Variants in CDH13 observed in about 807,000 individuals in gnomAD.
CDH13 encodes cadherin-13.
In CDH13, 24 loss-of-function variants were observed where a neutral mutation model predicts 63.8. That is an observed-to-expected ratio of 0.38 (90% CI 0.27 to 0.53). The LOEUF is 0.53. Among genes scored for constraint, CDH13 ranks in the 20% least tolerant of loss-of-function variants. The pLI is 0.85. For missense variants in CDH13, 1,049 were observed against 903.1 expected (o/e 1.16, Z -2.07); for synonymous variants, 503 against 355.3 (o/e 1.42, Z -4.67).
intron 7 of CDH13, among the ~76,000 whole-genome samples, chr16:83,602,194 T>C (rs1157240773): frequency 1.6e-5 from 2 of 123,220 alleles, no homozygotes; most frequent in Admixed American, 1.7e-4. Context: ...TTCTGTGATA[T>C]ATCAAATGTC....
intron 2 of CDH13, among the ~76,000 whole-genome samples, chr16:82,919,374 C>G (rs780609206): frequency 6.6e-6 from 1 of 152,148 alleles, no homozygotes; most frequent in African/African-American, 2.4e-5. Context: ...CCTCCACCCT[C>G]AAATAGGTCC....
intron 2 of CDH13, chr16:82,953,123 A>G (rs1256474120): frequency 6.6e-6 from 1 of 152,160 alleles, no homozygotes; most frequent in Non-Finnish European, 1.5e-5. Flanking sequence ...TGATCTTTTG[A>G]TATTATAGCA....
At chr16:83,276,019 C>T (rs900469553) in intron 5 of CDH13, among the ~76,000 whole-genome samples, 1 of 152,010 alleles carries the variant, frequency 6.6e-6, no homozygotes, top group Non-Finnish European at 1.5e-5. Flanking sequence ...AAAAAATGTA[C>T]AAGGAAAGGA....
chr16:83,783,965 A>G (rs1033018571), intron 13 of CDH13, among the ~76,000 whole-genome samples: 1 of 152,276 alleles, frequency 6.6e-6, no homozygotes, highest in Non-Finnish European at 1.5e-5. Context: ...ACTGGCTAGT[A>G]ATAATGACTA....
chr16:83,542,282 G>GT (rs1567750691), intron 7 of CDH13, among the ~76,000 whole-genome samples: 2 of 152,166 alleles, frequency 1.3e-5, no homozygotes, highest in African/African-American at 4.8e-5. Flanking sequence ...TTTTGTTTTT[G>GT]TTTTAAGGCT....
At chr16:82,840,783 A>C (rs1018093568) in intron 1 of CDH13, among the ~76,000 whole-genome samples, 1 of 151,938 alleles carries the variant, frequency 6.6e-6, no homozygotes, top group African/African-American at 2.4e-5. Flanking sequence ...TGCTTTAAGG[A>C]GATACTGGAG....
Position 83,780,440 on chromosome 16 carries a change from T to C in CDH13, c.1915+239T>C, listed in dbSNP as rs145253096. ...TCTGCTTCCTCTCTGATATTTTCTA[T>C]ACTGTACACCCTGTGTTGTATATCC... is the stretch of plus-strand genomic sequence containing the variant. On this transcript the variant is annotated intron_variant, in intron 12 of 13. Transcript: ENST00000567109. 4.9e-4 allele frequency among the ~76,000 whole-genome samples: 75 copies of C among 152,370 alleles called. 1 individual carries two copies. The East Asian group carries it at 0.014, about 28-fold the overall frequency.
chr16:83,269,231 C>T (rs1241610485), intron 5 of CDH13, among the ~76,000 whole-genome samples: 1 of 152,174 alleles, frequency 6.6e-6, no homozygotes, highest in Non-Finnish European at 1.5e-5. Context: ...GAGAACTCAC[C>T]AGATGACTGT....
chr16:83,077,981 T>A (rs1317787240), intron 3 of CDH13, among the ~76,000 whole-genome samples: 1 of 152,224 alleles, frequency 6.6e-6, no homozygotes, highest in South Asian at 2.1e-4. Flanking sequence ...CATTCTGTTC[T>A]GTTCTGTTCC....
intron 2 of CDH13, among the ~76,000 whole-genome samples, chr16:82,943,063 T>C (rs1210943543): frequency 6.6e-6 from 1 of 152,214 alleles, no homozygotes; most frequent in South Asian, 2.1e-4. Flanking sequence ...TCAATATGTG[T>C]CCAAAAAATC....
chr16:82,855,656 T>A (rs2151161085), intron 1 of CDH13, among the ~76,000 whole-genome samples: 1 of 152,320 alleles, frequency 6.6e-6, no homozygotes, highest in African/African-American at 2.4e-5. Flanking sequence ...CAGAGCCTGC[T>A]CTCAAGACAA....
chr16:82,966,433 C>T (rs1907845217), intron 2 of CDH13, among the ~76,000 whole-genome samples: 1 of 152,198 alleles, frequency 6.6e-6, no homozygotes, highest in Admixed American at 6.5e-5. Context: ...AGGCGTGAGC[C>T]AGCGCGCCTG....
rs535516922 is a variant in CDH13 at position 83,673,128 on chromosome 16, A to G, written c.1284+2156A>G. On this transcript the variant is annotated intron_variant, in intron 9 of 13. Transcript: ENST00000567109. The stretch of plus-strand genomic sequence containing the variant: ...TAGGAGTACATTACAAACCTAGTCT[A>G]CATACACATAAGCACGTATTAACAA... Among the ~76,000 whole-genome samples, 12 of 152,358 alleles carry G rather than the reference A, an allele frequency of 7.9e-5. No homozygotes were observed. In the South Asian group the frequency reaches 2.3e-3, roughly 29 times the overall value.
At chr16:82,642,741 G>A (rs1909571848) in intron 1 of CDH13, among the ~76,000 whole-genome samples, 1 of 152,312 alleles carries the variant, frequency 6.6e-6, no homozygotes, top group Non-Finnish European at 1.5e-5. Context: ...GCTGATATCA[G>A]TGTGGTGCTG....
At chr16:82,731,489 A>G (rs996270766) in intron 1 of CDH13, among the ~76,000 whole-genome samples, 2 of 152,352 alleles carry the variant, frequency 1.3e-5, no homozygotes, top group Non-Finnish European at 2.9e-5. Flanking sequence ...AACACAGGAC[A>G]TATTCTTTAA....
chr16:83,014,776 G>GCA, intron 2 of CDH13, among the ~76,000 whole-genome samples: 1 of 37,302 alleles, frequency 2.7e-5, no homozygotes, highest in East Asian at 6.9e-4. Context: ...ATATATATAT[G>GCA]TATATATATA....
chr16:83,629,710 T>G (rs1910614784), intron 8 of CDH13, among the ~76,000 whole-genome samples: 1 of 152,234 alleles, frequency 6.6e-6, no homozygotes, highest in African/African-American at 2.4e-5. Context: ...TCATTCACTT[T>G]GGACTAATAT....
intron 6 of CDH13, among the ~76,000 whole-genome samples, chr16:83,357,455 T>A (rs921015753): frequency 2.0e-5 from 3 of 152,078 alleles, no homozygotes; most frequent in Non-Finnish European, 4.4e-5. Context: ...TTTGATGTGG[T>A]TTAACTGGAA....
intron 10 of CDH13, among the ~76,000 whole-genome samples, chr16:83,695,795 G>T (rs776082863): frequency 6.6e-6 from 1 of 152,126 alleles, no homozygotes; most frequent in Non-Finnish European, 1.5e-5. Flanking sequence ...CTGTGAGATG[G>T]GTGTGATCAT....
Sources: allele counts gnomAD v4.1 joint callset (sites outside exome capture counted in the v4.1 genomes callset), GRCh38; gene constraint gnomAD v4.1.1; transcripts MANE v1.5; gene names NCBI Gene and HGNC (gene_info 2026-07-23, HGNC 2026-07-21).